Variants in NDUFB4 observed in about 807,000 individuals in gnomAD.
The protein encoded by NDUFB4 is NADH:ubiquinone oxidoreductase subunit B4.
In NDUFB4, 10 loss-of-function variants were observed where a neutral mutation model predicts 14.5. That is an observed-to-expected ratio of 0.69 (90% CI 0.43 to 1.17). The LOEUF is 1.17. NDUFB4 is among the 50% of genes most tolerant of loss of function. NDUFB4 has a pLI of 0.00. For missense variants in NDUFB4, 165 were observed against 161.1 expected, an observed-to-expected ratio of 1.02 and a Z score of -0.13; for synonymous variants, 65 against 63.4, an observed-to-expected ratio of 1.03 and a Z score of -0.12.
At chr3:120,599,426 G>A (rs35085316) in intron 1 of NDUFB4, among the ~76,000 whole-genome samples, 28,110 of 151,944 alleles carry the variant, frequency 0.19, 3,368 homozygotes, top group East Asian at 0.57. Flanking sequence ...AAAGACCAGC[G>A]AGGTCCAATA....
intron 1 of NDUFB4, among the ~76,000 whole-genome samples, chr3:120,597,486 C>T (rs965977791): frequency 9.9e-5 from 15 of 152,128 alleles, no homozygotes; most frequent in African/African-American, 3.6e-4. Context: ...CCACACGTTG[C>T]ATTGGTGTTT....
intron 2 of NDUFB4, 58 bp from the exon 3 acceptor site, chr3:120,602,150 A>G (rs1291389646): frequency 3.8e-6 from 6 of 1,582,648 alleles, no homozygotes; most frequent in South Asian, 1.2e-5. Context: ...ATTTTTATCT[A>G]ATATAGCCAA....
chr3:120,596,619 C>T, intron 1 of NDUFB4, 80 bp downstream of exon 1: 1 of 1,461,174 alleles, frequency 6.8e-7, no homozygotes, highest in Non-Finnish European at 9.4e-7. Context: ...GGGTCGGCCA[C>T]CGCTCCCGAT....
At position 120,596,463 on chromosome 3, in the gene NDUFB4, AG is replaced by A; in HGVS notation, c.105del (p.Glu35AspfsTer5). On this transcript the variant is annotated frameshift_variant, in exon 1 of 3. Transcript: ENST00000184266. LOFTEE classifies it high-confidence loss of function. ...ISPETRRAQA[E>X]RLAIRAQLKR... ...CCGGAAACCCGGCGGGCGCAAGCCG[AG>A]CGGTTGGCCATAAGAGCCCAGCTGA... 1 of 1,614,082 alleles carries A rather than the reference AG, an allele frequency of 6.2e-7. No individual in the cohort carries two copies. The highest frequency in any genetic ancestry group is 8.5e-7 in the Non-Finnish European group (1 of 1,180,000).
rs868059397 is a variant in NDUFB4 at position 120,601,429 on chromosome 3, A to G, written c.327+172A>G. On this transcript the variant is annotated intron_variant, in intron 2 of 2. Coordinates refer to ENST00000184266, the MANE Select transcript of NDUFB4 (RefSeq NM_004547.6). ...TTATTCCTTTCCAGCAGGAGTTAAA[A>G]CAGAAAGTTTTCAGTCACCTTTGTC... The G allele has an allele frequency of 6.9e-6, 10 of 1,449,694 alleles. No homozygotes were observed. In the Middle Eastern group the frequency reaches 7.4e-4, roughly 108 times the overall value. The allele number at this position is 1,449,694 out of a possible 1,614,324, so 89.8% of individuals were successfully genotyped here. A position where few individuals can be genotyped will look rare whatever the true frequency, so the allele number is the denominator to read the frequency against.
intron 2 of NDUFB4, chr3:120,601,867 T>C (rs1940069821): frequency 5.7e-6 from 6 of 1,053,732 alleles, no homozygotes; most frequent in Non-Finnish European, 6.9e-6. Flanking sequence ...AACAGAAAGG[T>C]AGTCCACATT....
intron 1 of NDUFB4, among the ~76,000 whole-genome samples, chr3:120,600,570 T>TA (rs760908236): frequency 3.9e-5 from 6 of 152,238 alleles, no homozygotes; most frequent in South Asian, 2.1e-4. Flanking sequence ...TTAAAAAACT[T>TA]ACAGTTCAGC....
chr3:120,599,186 A>G (rs1318622680), intron 1 of NDUFB4, among the ~76,000 whole-genome samples: 1 of 152,182 alleles, frequency 6.6e-6, no homozygotes, highest in African/African-American at 2.4e-5. Flanking sequence ...AAACACAGGA[A>G]TGGGAGAAGA....
At chr3:120,601,369 T>C (rs2107472719) in intron 2 of NDUFB4, 112 bp downstream of exon 2, 1 of 1,533,654 alleles carries the variant, frequency 6.5e-7, no homozygotes, top group Non-Finnish European at 8.7e-7. Context: ...ACCTTGGGGC[T>C]GTCCTCTGCC....
At chr3:120,598,878 T>C (rs1238651778) in intron 1 of NDUFB4, among the ~76,000 whole-genome samples, 1 of 152,180 alleles carries the variant, frequency 6.6e-6, no homozygotes, top group Non-Finnish European at 1.5e-5. Context: ...GGACTTTTAC[T>C]GAATAGAGAA....
At chr3:120,596,777 C>G (rs1453915359) in intron 1 of NDUFB4, 2 of 535,944 alleles carry the variant, frequency 3.7e-6, no homozygotes, top group South Asian at 2.1e-5. Context: ...CCTGCGTGAC[C>G]TTAAGAACGT....
intron 2 of NDUFB4, 175 bp downstream of exon 2, chr3:120,601,432 G>GA (rs1940061883): frequency 7.6e-6 from 11 of 1,441,772 alleles, no homozygotes; most frequent in Non-Finnish European, 9.9e-6. Context: ...AGTTAAAACA[G>GA]AAAGTTTTCA....
In NDUFB4 at chr3:120,601,270, A is replaced by T. The variant is rs546400055; in HGVS notation, c.327+13A>T. ...CAAAACTGAGAGGGTAAGTATTCAG[A>T]CCAGATGTTTAGTATTTGAGTGATA... On this transcript the variant is annotated intron_variant, in intron 2 of 2. Transcript: ENST00000184266. 15 of 1,613,270 alleles carry T rather than the reference A, an allele frequency of 9.3e-6. No homozygotes were observed. The South Asian group carries it at 1.7e-4, about 18-fold the overall frequency.
chr3:120,602,087 T>A, intron 2 of NDUFB4, 121 bp from the exon 3 acceptor site: 3 of 1,496,040 alleles, frequency 2.0e-6, no homozygotes, highest in South Asian at 2.7e-5. Flanking sequence ...TGTTTGTCAG[T>A]TGTACGGTGG....
At position 120,602,189 on chromosome 3, in the gene NDUFB4, T is replaced by C. The variant is rs774416381; in HGVS notation, c.328-19T>C. The C allele has an allele frequency of 5.0e-6, 8 of 1,601,466 alleles. No homozygotes were observed. Among genetic ancestry groups the C allele is most frequent in the Admixed American group, 1.8e-5 (1 of 56,752 alleles). On this transcript the variant is annotated intron_variant, in intron 2 of 2. Coordinates refer to ENST00000184266, the MANE Select transcript of NDUFB4 (RefSeq NM_004547.6). Reference sequence around the variant, plus strand: ...GCAGAATATATTGTCTTTAATGTACTTTTTTTCTGTCTTTACAGGATAGGA... The same window carrying C: ...GCAGAATATATTGTCTTTAATGTACCTTTTTTCTGTCTTTACAGGATAGGA...
chr3:120,601,300 C>G (rs756755209), intron 2 of NDUFB4, 43 bp downstream of exon 2: 2 of 1,609,778 alleles, frequency 1.2e-6, no homozygotes, highest in Middle Eastern at 1.7e-4. Context: ...GTGATAGGTT[C>G]ACTTTCTAGG....
chr3:120,602,031 G>A, intron 2 of NDUFB4, 177 bp from the exon 3 acceptor site: 2 of 1,394,742 alleles, frequency 1.4e-6, no homozygotes, highest in South Asian at 3.6e-5. Flanking sequence ...CACACTCCCT[G>A]GGCTTTAGAC....
At chr3:120,597,076 T>TATATATGC (rs1939976010) in intron 1 of NDUFB4, among the ~76,000 whole-genome samples, 1 of 147,398 alleles carries the variant, frequency 6.8e-6, no homozygotes, top group Non-Finnish European at 1.5e-5. Flanking sequence ...ATATTTTATA[T>TATATATGC]ATATATATAA....
rs762566446 is a variant in NDUFB4, at chr3:120,596,475, T to C, written c.116T>C (p.Ile39Thr). The change falls in exon 1 of 3, where the codon ATA becomes ACA. Residue 39 changes from isoleucine to threonine, a missense_variant. Coordinates refer to ENST00000184266, the MANE Select transcript of NDUFB4 (RefSeq NM_004547.6). Reference sequence around the variant, plus strand: ...CGGGCGCAAGCCGAGCGGTTGGCCATAAGAGCCCAGCTGAAACGAGAGTAC... The same window carrying C: ...CGGGCGCAAGCCGAGCGGTTGGCCACAAGAGCCCAGCTGAAACGAGAGTAC... The part of the protein sequence containing the change: ...TRRAQAERLA[I>T]RAQLKREYLL... The C allele has an allele frequency of 6.2e-6, 10 of 1,613,930 alleles. No individual in the cohort carries two copies. The highest frequency in any genetic ancestry group is 7.6e-6 in the Non-Finnish European group (9 of 1,179,978).
Sources: allele counts gnomAD v4.1 joint callset (sites outside exome capture counted in the v4.1 genomes callset), GRCh38; gene constraint gnomAD v4.1.1; transcripts MANE v1.5; gene names NCBI Gene and HGNC (gene_info 2026-07-23, HGNC 2026-07-21).